The following DCP1B variants were observed in gnomAD, a reference collection of about 807,000 sequenced individuals.
The protein encoded by DCP1B is mRNA-decapping enzyme 1B.
In DCP1B, 47 loss-of-function variants were observed where a neutral mutation model predicts 60.5. That is an observed-to-expected ratio of 0.78 (90% CI 0.61 to 0.99). The LOEUF (loss-of-function observed/expected upper bound fraction) is 0.99. Ranked by LOEUF, DCP1B falls within the 50% of genes least tolerant of loss-of-function variation. The pLI is 0.00. For synonymous variants in DCP1B, 267 were observed against 280.3 expected (o/e 0.95, Z 0.47); for missense variants, 725 against 756.8 (o/e 0.96, Z 0.49).
rs959555244 is a variant in DCP1B, at chr12:1,993,374, T to C, written c.209A>G (p.His70Arg). The C allele has an allele frequency of 4.3e-6, 7 of 1,611,818 alleles. No homozygotes were observed. Among genetic ancestry groups the C allele is most frequent in the African/African-American group, 2.7e-5 (2 of 74,848 alleles). Reference sequence around the variant, plus strand: ...CAGCCTATTCATAATGGTGAATCCATGCTTTGGAGAAGCAGACCTAAAAAT... The same window carrying C: ...CAGCCTATTCATAATGGTGAATCCACGCTTTGGAGAAGCAGACCTAAAAAT... ...FVYTRSASPK[H>R]GFTIMNRLSM... is the part of the protein sequence containing the mutation. Residue 70 changes from histidine (H) to arginine (R), a missense_variant, in exon 3 of 9, where the codon CAT becomes CGT. By Grantham distance (29) the His-to-Arg change is conservative. Coordinates refer to ENST00000280665, the MANE Select transcript of DCP1B (RefSeq NM_152640.5).
In DCP1B at chr12:1,950,469, C is replaced by A. The variant is rs1246877681; in HGVS notation, c.1525-1135G>T. Reference sequence around the variant, plus strand: ...TCTAAATCATCAAAGAGGAAAAAAGCAGACATTTTTAAAAAAGGGACAATA... The same window carrying A: ...TCTAAATCATCAAAGAGGAAAAAAGAAGACATTTTTAAAAAAGGGACAATA... On this transcript the variant is annotated intron_variant, in intron 7 of 8. Transcript: ENST00000280665. 1.2e-5 allele frequency: 8 copies of A among 695,414 alleles called. No individual in the cohort carries two copies. In the East Asian group the frequency reaches 2.2e-4, roughly 19 times the overall value. The allele number at this position is 695,414 out of a possible 1,614,324, so 43.1% of individuals were successfully genotyped here.
chr12:1,973,385 A>G (rs1157789859), intron 3 of DCP1B, among the ~76,000 whole-genome samples: 2 of 152,234 alleles, frequency 1.3e-5, no homozygotes, highest in Admixed American at 6.5e-5. Context: ...TAATGTTATT[A>G]GAAAGTTAAT....
At chr12:1,967,998 AATCT>A (rs2031412002) in intron 3 of DCP1B, 88 bp from the exon 4 acceptor site, 1 of 990,552 alleles carries the variant, frequency 1.0e-6, no homozygotes, top group Admixed American at 2.4e-5. Flanking sequence ...AATACATAAT[AATCT>A]ATGTGTTAAA....
At position 2,004,411 on chromosome 12, in the gene DCP1B, G is replaced by A. The variant is rs1252333790; in HGVS notation, c.21C>T (p.Gly7=). 1.2e-6 allele frequency: 2 copies of A among 1,610,378 alleles called. No individual in the cohort carries two copies. Among genetic ancestry groups the A allele is most frequent in the Non-Finnish European group, 1.7e-6 (2 of 1,178,824 alleles). Residue 7 remains glycine, a synonymous_variant, in exon 1 of 9, where the codon GGC becomes GGT. Transcript: ENST00000280665. MAAVAA[G]GLVGKGRDIS... ...TGTCGCGCCCCTTTCCCACCAGGCC[G>A]CCTGCCGCCACGGCTGCCATCTTCC...
At chr12:1,957,115 T>C (rs1218986300) in intron 5 of DCP1B, among the ~76,000 whole-genome samples, 2 of 152,202 alleles carry the variant, frequency 1.3e-5, no homozygotes, top group African/African-American at 4.8e-5. Flanking sequence ...CCTCAGTAGT[T>C]TGTAGCTCAT....
At chr12:2,000,758 C>T (rs943599535) in intron 1 of DCP1B, among the ~76,000 whole-genome samples, 13 of 152,140 alleles carry the variant, frequency 8.5e-5, no homozygotes, top group Admixed American at 8.5e-4. Context: ...ATAACCAGGC[C>T]GGGCACAGGG....
chr12:1,995,388 C>T (rs2040560376), intron 2 of DCP1B, among the ~76,000 whole-genome samples: 1 of 152,272 alleles, frequency 6.6e-6, no homozygotes, highest in South Asian at 2.1e-4. Flanking sequence ...TTGTAAACTT[C>T]AGAATCCTCA....
At chr12:1,964,177 C>T (rs1300214535) in intron 5 of DCP1B, among the ~76,000 whole-genome samples, 1 of 152,136 alleles carries the variant, frequency 6.6e-6, no homozygotes, top group East Asian at 1.9e-4. Flanking sequence ...TTTGAAGTCA[C>T]TCTAATTTTT....
rs2030413994 is a variant in DCP1B, at chr12:1,946,206, T to G, written c.1854A>C (p.Ter618CysextTer23). The change falls in exon 9 of 9, where the codon TGA (stop) becomes TGC (cysteine). Residue 618 changes from the stop codon to cysteine (C), a stop_lost. Coordinates refer to ENST00000280665, the MANE Select transcript of DCP1B (RefSeq NM_152640.5). ...AAATCAGTTTTAAAAGGCCTTGCTG[T>G]CACATAGTCTTTTTCATGGCTGCTT... ...MTQAAMKKTM[*>C] 1 of 1,590,836 alleles carries G rather than the reference T, an allele frequency of 6.3e-7. No individual in the cohort carries two copies. The highest frequency in any genetic ancestry group is 1.4e-5 in the African/African-American group (1 of 73,874).
intron 7 of DCP1B, among the ~76,000 whole-genome samples, chr12:1,951,646 C>A (rs1029828439): frequency 6.6e-6 from 1 of 152,182 alleles, no homozygotes; most frequent in South Asian, 2.1e-4. Flanking sequence ...AAGATAAAAA[C>A]TGGCTGCACC....
chr12:1,953,544 C>T (rs1189786167), intron 6 of DCP1B, among the ~76,000 whole-genome samples: 1 of 152,074 alleles, frequency 6.6e-6, no homozygotes, highest in African/African-American at 2.4e-5. Context: ...GGTATAAGAT[C>T]TTCAAGGGCC....
chr12:1,942,872 T>A (rs191435141), downstream of DCP1B, among the ~76,000 whole-genome samples: 3 of 152,116 alleles, frequency 2.0e-5, no homozygotes, highest in Admixed American at 2.0e-4. Context: ...CACCCTAACA[T>A]CACAATTAAA....
chr12:1,993,044 A>T, intron 3 of DCP1B: 1 of 686,286 alleles, frequency 1.5e-6, no homozygotes, highest in East Asian at 2.7e-5. Flanking sequence ...GACAGGGTTT[A>T]GGTTTATATC....
intron 1 of DCP1B, among the ~76,000 whole-genome samples, chr12:2,000,817 A>C (rs1320005092): frequency 6.6e-6 from 1 of 152,194 alleles, no homozygotes; most frequent in African/African-American, 2.4e-5. Flanking sequence ...CGGGTGGATC[A>C]CCTGAGGTCA....
At chr12:1,953,665 C>A (rs1363257014) in intron 6 of DCP1B, among the ~76,000 whole-genome samples, 1 of 152,064 alleles carries the variant, frequency 6.6e-6, no homozygotes, top group Non-Finnish European at 1.5e-5. Flanking sequence ...TATGAGAATA[C>A]AAAGGAATAT....
At chr12:1,950,807 C>T (rs1333873153) in intron 7 of DCP1B, among the ~76,000 whole-genome samples, 2 of 152,062 alleles carry the variant, frequency 1.3e-5, no homozygotes, top group South Asian at 4.2e-4. Context: ...CCACCATACC[C>T]GGCTAATTAA....
Position 1,962,405 on chromosome 12 carries a change from T to C in DCP1B, c.522+3153A>G, listed in dbSNP as rs1007170522. ...TCAAAACATTATAACATATAGAAGA[T>C]AAAAAACAGAAACAATACAAGGTAT... On this transcript the variant is annotated intron_variant, in intron 5 of 8. Coordinates refer to ENST00000280665, the MANE Select transcript of DCP1B (RefSeq NM_152640.5). This position sits in a 1 kb window ranked among gnomAD's most constrained non-coding sequence, Gnocchi z 4.4. 6.6e-6 allele frequency among the ~76,000 whole-genome samples: 1 copy of C among 151,598 alleles called. No homozygotes were observed. Among genetic ancestry groups the C allele is most frequent in the African/African-American group, 2.4e-5 (1 of 41,160 alleles).
chr12:1,974,772 C>T (rs952343596), intron 3 of DCP1B, among the ~76,000 whole-genome samples: 23 of 152,132 alleles, frequency 1.5e-4, no homozygotes, highest in African/African-American at 5.6e-4. Context: ...GTCAGTCATT[C>T]CAGCAACACA....
At chr12:2,003,037 C>G in intron 1 of DCP1B, among the ~76,000 whole-genome samples, 1 of 152,312 alleles carries the variant, frequency 6.6e-6, no homozygotes, top group Middle Eastern at 3.4e-3. Flanking sequence ...TCTTCCTGTT[C>G]TCCTTTTGTG....
Sources: allele counts gnomAD v4.1 joint callset (sites outside exome capture counted in the v4.1 genomes callset), GRCh38; gene constraint gnomAD v4.1.1; non-coding constraint Gnocchi (gnomAD v3.1); transcripts MANE v1.5; gene names NCBI Gene and HGNC (gene_info 2026-07-23, HGNC 2026-07-21).